HMGA2: variants seen among roughly 807,000 people sequenced by gnomAD.
HMGA2 encodes high mobility group AT-hook 2.
A neutral mutation model predicts 19.1 loss-of-function variants in HMGA2; 8 were observed. The ratio of observed to expected loss-of-function variants is 0.42; its 90% CI spans 0.25 to 0.76. HMGA2 has a LOEUF of 0.76. Among genes scored for constraint, HMGA2 ranks in the 30% least tolerant of loss-of-function variants. The probability of loss-of-function intolerance (pLI) is 0.28; values close to 1 mark genes in which losing one functional copy is unlikely to be tolerated. For synonymous variants in HMGA2, 60 were observed against 48.8 expected, an observed-to-expected ratio of 1.23 and a Z score of -0.96; for missense variants, 109 against 136.3, an observed-to-expected ratio of 0.80 and a Z score of 1.00.
At chr12:65,898,957 T>C (rs1874253081) in intron 3 of HMGA2, among the ~76,000 whole-genome samples, 1 of 140,380 alleles carries the variant, frequency 7.1e-6, no homozygotes. Context: ...GGCAGGAGAA[T>C]GGCATGAACC....
intron 3 of HMGA2, among the ~76,000 whole-genome samples, chr12:65,854,154 T>A (rs557944383): frequency 3.2e-4 from 48 of 152,376 alleles, no homozygotes; most frequent in South Asian, 1.0e-3. Context: ...GTTGACATCT[T>A]CTGTTCCTTT....
intron 3 of HMGA2, among the ~76,000 whole-genome samples, chr12:65,848,895 C>A (rs549097800): frequency 1.6e-4 from 25 of 152,114 alleles, no homozygotes; most frequent in Admixed American, 3.3e-4. Context: ...TTACCAATAA[C>A]GGAAGTGCAG....
intron 3 of HMGA2, among the ~76,000 whole-genome samples, chr12:65,943,313 T>A (rs1276449586): frequency 6.6e-6 from 1 of 152,180 alleles, no homozygotes; most frequent in African/African-American, 2.4e-5. Context: ...GGGCTTCCCA[T>A]TGATCTTTTC....
chr12:65,933,710 C>T (rs1875795733), intron 3 of HMGA2, among the ~76,000 whole-genome samples: 1 of 152,008 alleles, frequency 6.6e-6, no homozygotes, highest in South Asian at 2.1e-4. Flanking sequence ...GGGAGGTATC[C>T]ATCAAAAATG....
rs17225871 is a variant in HMGA2 at position 65,852,674 on chromosome 12, T to C, written c.249+14105T>C. Reference sequence around the variant, plus strand: ...CTTTTTCCATTTCCATCTGCTCTTATGGTTGAAAGGCTAAAACTGACAACT... The same window carrying C: ...CTTTTTCCATTTCCATCTGCTCTTACGGTTGAAAGGCTAAAACTGACAACT... On this transcript the variant is annotated intron_variant, in intron 3 of 4. Coordinates refer to ENST00000403681, the MANE Select transcript of HMGA2 (RefSeq NM_003483.6). Among the ~76,000 whole-genome samples the C allele has an allele frequency of 7.9e-3, 1,203 of 152,280 alleles. 67 individuals are homozygous for C. The East Asian group carries it at 0.15, about 19-fold the overall frequency.
chr12:65,852,461 C>T (rs1339293269), intron 3 of HMGA2, among the ~76,000 whole-genome samples: 3 of 152,064 alleles, frequency 2.0e-5, no homozygotes, highest in Admixed American at 6.6e-5. Context: ...TGAGATTGCA[C>T]CACTGTACTC....
At chr12:65,890,006 A>G (rs1006724359) in intron 3 of HMGA2, among the ~76,000 whole-genome samples, 1 of 152,138 alleles carries the variant, frequency 6.6e-6, no homozygotes, top group Non-Finnish European at 1.5e-5. Flanking sequence ...TTTCTTCTAT[A>G]ATTGCTACAA....
At chr12:65,886,337 C>G (rs909028045) in intron 3 of HMGA2, among the ~76,000 whole-genome samples, 4 of 151,304 alleles carry the variant, frequency 2.6e-5, no homozygotes, top group Non-Finnish European at 5.9e-5. Flanking sequence ...GTTTCCTCCT[C>G]GCGGGGAGCT....
rs112452334 is a variant in HMGA2 at position 65,942,446 on chromosome 12, G to A, written c.250-8937G>A. On this transcript the variant is annotated intron_variant, in intron 3 of 4. Coordinates refer to ENST00000403681, the MANE Select transcript of HMGA2 (RefSeq NM_003483.6). ...GTGTGTATACATATATATGTATAGC[G>A]TTCCTTTTTTGAAAACTTGTAGCAT... Among the ~76,000 whole-genome samples, 40 of 152,104 alleles carry A rather than the reference G, an allele frequency of 2.6e-4. 1 individual carries two copies. Among genetic ancestry groups the A allele is most frequent in the African/African-American group, 9.2e-4 (38 of 41,502 alleles).
intron 3 of HMGA2, among the ~76,000 whole-genome samples, chr12:65,901,796 T>TC (rs1443568866): frequency 1.3e-5 from 2 of 151,934 alleles, no homozygotes; most frequent in Non-Finnish European, 2.9e-5. Context: ...AATCTATAAA[T>TC]CCCCCACAAT....
chr12:65,947,968 C>T (rs1876325559), intron 3 of HMGA2, among the ~76,000 whole-genome samples: 1 of 152,118 alleles, frequency 6.6e-6, no homozygotes. Context: ...TGGATTGGAT[C>T]TCGATTTGAC....
At chr12:65,890,999 G>T (rs553168928) in intron 3 of HMGA2, among the ~76,000 whole-genome samples, 24 of 152,250 alleles carry the variant, frequency 1.6e-4, no homozygotes, top group Admixed American at 1.0e-3. Context: ...CCAAAGTGCT[G>T]GGATTATAGG....
chr12:65,930,085 G>A (rs1044298669), intron 3 of HMGA2, among the ~76,000 whole-genome samples: 1 of 152,178 alleles, frequency 6.6e-6, no homozygotes, highest in Non-Finnish European at 1.5e-5. Context: ...GTAAGCCCCA[G>A]TATAGTTGAA....
chr12:65,901,725 C>G (rs1422170961), intron 3 of HMGA2, among the ~76,000 whole-genome samples: 1 of 151,956 alleles, frequency 6.6e-6, no homozygotes, highest in Non-Finnish European at 1.5e-5. Context: ...TTTTTTCTCC[C>G]AGAGATCCTG....
chr12:65,866,783 A>G (rs1872438329), intron 3 of HMGA2: 1 of 455,066 alleles, frequency 2.2e-6, no homozygotes, highest in African/African-American at 2.0e-5. Flanking sequence ...AACTTTAAAA[A>G]AAAAAATCAC....
intron 3 of HMGA2, among the ~76,000 whole-genome samples, chr12:65,916,706 ATATCCAGAAGAGT>A (rs1242491577): frequency 6.6e-6 from 1 of 152,208 alleles, no homozygotes; most frequent in Admixed American, 6.5e-5. Context: ...GAGATAGTTA[ATATCCAGAAGAGT>A]TCTTTGGCTA....
intron 3 of HMGA2, among the ~76,000 whole-genome samples, chr12:65,904,031 C>T (rs1563835): frequency 0.25 from 37,416 of 152,140 alleles, 5,981 homozygotes; most frequent in African/African-American, 0.45. Context: ...AAACACATCG[C>T]GTAGCGATCC....
At chr12:65,863,322 G>C (rs1872209764) in intron 3 of HMGA2, among the ~76,000 whole-genome samples, 1 of 152,186 alleles carries the variant, frequency 6.6e-6, no homozygotes. Context: ...GAAGTTGGCT[G>C]TACCTTCCTT....
chr12:65,897,048 G>C (rs1334031450), intron 3 of HMGA2, among the ~76,000 whole-genome samples: 1 of 152,214 alleles, frequency 6.6e-6, no homozygotes, highest in African/African-American at 2.4e-5. Context: ...TAGTGAAGAA[G>C]TGAAATTAGA....
Sources: gnomAD v4.1 joint callset for allele counts (sites outside exome capture counted in the v4.1 genomes callset) on GRCh38, gnomAD v4.1.1 for gene constraint, MANE v1.5 for transcripts, NCBI Gene and HGNC (gene_info 2026-07-23, HGNC 2026-07-21) for gene names.